TRPC3: variants seen among roughly 807,000 people sequenced by gnomAD.
The protein encoded by TRPC3 is short transient receptor potential channel 3.
A neutral mutation model predicts 90.9 loss-of-function variants in TRPC3; 54 were observed. The ratio of observed to expected loss-of-function variants is 0.59; its 90% CI spans 0.48 to 0.75. TRPC3 has a LOEUF of 0.75. TRPC3 is among the 30% of genes least tolerant of loss of function. The pLI is 0.00. For synonymous variants in TRPC3, 424 were observed against 450.9 expected (o/e 0.94, Z 0.75); for missense variants, 918 against 1,194.5 (o/e 0.77, Z 3.41).
intron 10 of TRPC3, among the ~76,000 whole-genome samples, chr4:121,884,351 T>C (rs1438094377): frequency 6.6e-6 from 1 of 151,580 alleles, no homozygotes; most frequent in Non-Finnish European, 1.5e-5. Flanking sequence ...GGCAGAGGAG[T>C]AGGTAGCAAG....
chr4:121,935,355 T>TGTATGTGTG (rs1295854694), intron 1 of TRPC3, among the ~76,000 whole-genome samples: 4 of 150,440 alleles, frequency 2.7e-5, no homozygotes, highest in Non-Finnish European at 5.9e-5. Context: ...TGGAGTAGAG[T>TGTATGTGTG]GTATGTGTGG....
chr4:121,948,181 AAAAAAAAAAAC>A (rs1730557643), intron 1 of TRPC3, among the ~76,000 whole-genome samples: 1 of 151,866 alleles, frequency 6.6e-6, no homozygotes, highest in South Asian at 2.1e-4. Context: ...TAAAAAGAAA[AAAAAAAAAAAC>A]AAAAAGAGAA....
At chr4:121,931,704 T>C (rs1430290461) in intron 2 of TRPC3, among the ~76,000 whole-genome samples, 1 of 152,184 alleles carries the variant, frequency 6.6e-6, no homozygotes, top group Non-Finnish European at 1.5e-5. Flanking sequence ...TTAATAGTAT[T>C]TTTTATTGGT....
At chr4:121,944,617 T>C (rs1242145598) in intron 1 of TRPC3, among the ~76,000 whole-genome samples, 2 of 152,188 alleles carry the variant, frequency 1.3e-5, no homozygotes, top group African/African-American at 2.4e-5. Context: ...TCCTCTCACC[T>C]CTTTAATATT....
chr4:121,950,250 T>A (rs1186335539), intron 1 of TRPC3, among the ~76,000 whole-genome samples: 1 of 152,182 alleles, frequency 6.6e-6, no homozygotes, highest in Non-Finnish European at 1.5e-5. Context: ...AGGTCCAGCC[T>A]GACCAGGCGC....
chr4:121,933,299 G>C, intron 1 of TRPC3: 1 of 550,246 alleles, frequency 1.8e-6, no homozygotes, highest in Admixed American at 4.2e-5. Context: ...ATGATATTCA[G>C]ATGGAATAAT....
intron 10 of TRPC3, among the ~76,000 whole-genome samples, chr4:121,891,356 G>A (rs1487173729): frequency 2.0e-5 from 3 of 152,120 alleles, no homozygotes; most frequent in Non-Finnish European, 4.4e-5. Context: ...AAAAGACAAA[G>A]TTAAGCTAAG....
intron 9 of TRPC3, among the ~76,000 whole-genome samples, chr4:121,901,830 C>T (rs981099767): frequency 2.4e-4 from 37 of 152,174 alleles, no homozygotes; most frequent in African/African-American, 8.9e-4. Context: ...TACTGCTTCT[C>T]ACTACATACA....
In TRPC3 at chr4:121,933,659, A is replaced by G. The variant is rs113607278; in HGVS notation, c.216-617T>C. 5.7e-3 allele frequency among the ~76,000 whole-genome samples: 862 copies of G among 152,192 alleles called. 11 individuals carry two copies. The highest frequency in any genetic ancestry group is 0.02 in the African/African-American group (824 of 41,508). ...TTTAGAGACAGGGTCTCTGTGGCCC[A>G]AGCTAGAGTGCAGTGGCAAGATCAC... On this transcript the variant is annotated intron_variant, in intron 1 of 11. Coordinates refer to ENST00000379645, the MANE Select transcript of TRPC3 (RefSeq NM_001130698.2).
chr4:121,881,401 C>A (rs992892478), intron 11 of TRPC3, among the ~76,000 whole-genome samples: 2 of 151,990 alleles, frequency 1.3e-5, no homozygotes, highest in Non-Finnish European at 2.9e-5. Flanking sequence ...CTCTCCACCC[C>A]CCATGGAGAT....
chr4:121,897,647 C>CAA lies in TRPC3; in HGVS notation c.2547+1963_2547+1964dup, dbSNP rs36070208. ...GTTAGAATGTCTACTATCAAAAAGA[C>CAA]AAAAAAAAAATGCTGGTAAGAATGC... On this transcript the variant is annotated intron_variant, in intron 10 of 11. Transcript: ENST00000379645. Among the ~76,000 whole-genome samples the CAA allele has an allele frequency of 8.1e-3, 1,189 of 147,364 alleles. 22 individuals are homozygous for CAA. The highest frequency in any genetic ancestry group is 0.037 in the Admixed American group (544 of 14,842).
At chr4:121,930,914 G>T in intron 2 of TRPC3, 1 of 310,866 alleles carries the variant, frequency 3.2e-6, no homozygotes, top group Non-Finnish European at 6.1e-6. Flanking sequence ...CTTCAAAGGG[G>T]TTAGATATAA....
At chr4:121,944,366 T>A (rs910770824) in intron 1 of TRPC3, among the ~76,000 whole-genome samples, 4 of 126,892 alleles carry the variant, frequency 3.2e-5, no homozygotes, top group Non-Finnish European at 4.8e-5. Context: ...GTTTTCTTCC[T>A]CCCATTACAT....
At chr4:121,907,241 C>T (rs1486914992) in intron 7 of TRPC3, 62 bp downstream of exon 7, 3 of 1,462,644 alleles carry the variant, frequency 2.1e-6, no homozygotes, top group Non-Finnish European at 2.8e-6. Context: ...TTTTCCTTTG[C>T]TTCCTCTAGA....
chr4:121,904,573 G>A, intron 7 of TRPC3, 56 bp from the exon 8 acceptor site: 1 of 1,366,362 alleles, frequency 7.3e-7, no homozygotes, highest in Non-Finnish European at 9.8e-7. Context: ...ATATCTAAGA[G>A]TGAAAAGTAA....
chr4:121,916,622 G>T (rs1180745367), intron 3 of TRPC3, among the ~76,000 whole-genome samples: 3 of 152,158 alleles, frequency 2.0e-5, no homozygotes, highest in Non-Finnish European at 4.4e-5. Flanking sequence ...ACAATGAGAA[G>T]TCAGCAGTCT....
chr4:121,897,401 C>T (rs1728550805), intron 10 of TRPC3, among the ~76,000 whole-genome samples: 6 of 120,608 alleles, frequency 5.0e-5, no homozygotes, highest in Admixed American at 4.4e-4. Flanking sequence ...AATTGCTCAT[C>T]CAATAGGGGA....
chr4:121,934,231 T>C (rs1171058679), intron 1 of TRPC3, among the ~76,000 whole-genome samples: 4 of 152,218 alleles, frequency 2.6e-5, no homozygotes, highest in African/African-American at 9.7e-5. Flanking sequence ...AATCGAATTT[T>C]ATGAAGTTCT....
Position 121,914,768 on chromosome 4 carries a change from G to A in TRPC3, c.1341+12C>T. 1.9e-6 allele frequency: 3 copies of A among 1,588,700 alleles called. No individual in the cohort carries two copies. The highest frequency in any genetic ancestry group is 2.6e-6 in the Non-Finnish European group (3 of 1,161,760). ...CACCACCACAGAGGAAATAGATGTA[G>A]AAAGCAAGTACCCTGCTGCAAGGTG... On this transcript the variant is annotated intron_variant, in intron 4 of 11. Coordinates refer to ENST00000379645, the MANE Select transcript of TRPC3 (RefSeq NM_001130698.2).
Sources: gnomAD v4.1 joint callset for allele counts (sites outside exome capture counted in the v4.1 genomes callset) on GRCh38, gnomAD v4.1.1 for gene constraint, MANE v1.5 for transcripts, NCBI Gene and HGNC (gene_info 2026-07-23, HGNC 2026-07-21) for gene names.